The following CRYZL1 variants were observed in gnomAD, a reference collection of about 807,000 sequenced individuals.
The protein encoded by CRYZL1 is ferry endosomal RAB5 effector complex subunit 4.
Under a neutral mutation model 50.6 loss-of-function variants are expected in CRYZL1, and 34 were observed. That is an observed-to-expected ratio of 0.67 (90% CI 0.51 to 0.89). The LOEUF (loss-of-function observed/expected upper bound fraction) is 0.89, where lower values mean the gene tolerates loss of function less well. Ranked by LOEUF, CRYZL1 falls within the 40% of genes least tolerant of loss-of-function variation. CRYZL1 has a pLI of 0.00. For synonymous variants in CRYZL1, 125 were observed against 134.3 expected (o/e 0.93, Z 0.48); for missense variants, 354 against 402.3 (o/e 0.88, Z 1.03).
intron 1 of CRYZL1, among the ~76,000 whole-genome samples, chr21:33,634,180 TG>T (rs1388693215): frequency 5.9e-5 from 9 of 152,206 alleles, no homozygotes; most frequent in Non-Finnish European, 1.2e-4. Flanking sequence ...TCAATGTTTT[TG>T]TTTGGGGGCT....
rs2086621394 is a variant in CRYZL1, at chr21:33,589,629, C to A, written c.*193G>T. The stretch of plus-strand genomic sequence containing the variant: ...CTTAAGATGTTAATTATAGAATTAT[C>A]TTGATCATTTGCACAAGAATTTTTC... On this transcript the variant is annotated 3_prime_UTR_variant, in exon 13 of 13. Coordinates refer to ENST00000381554, the MANE Select transcript of CRYZL1 (RefSeq NM_145858.3). 1 of 566,954 alleles carries A rather than the reference C, an allele frequency of 1.8e-6. No individual in the cohort carries two copies. 35.1% of individuals were successfully genotyped at this position (566,954 alleles called of 1,614,324 possible). A position where few individuals can be genotyped will look rare whatever the true frequency, so the allele number is the denominator to read the frequency against.
At chr21:33,629,665 C>T (rs1028207564) in intron 2 of CRYZL1, among the ~76,000 whole-genome samples, 4 of 152,200 alleles carry the variant, frequency 2.6e-5, no homozygotes, top group African/African-American at 4.8e-5. Context: ...TATAAGATCA[C>T]GTCATCTGCA....
intron 3 of CRYZL1, among the ~76,000 whole-genome samples, chr21:33,623,993 A>G (rs912061012): frequency 6.6e-6 from 1 of 152,216 alleles, no homozygotes; most frequent in South Asian, 2.1e-4. Flanking sequence ...TCTAATTGGT[A>G]GCTAATAAAC....
chr21:33,631,708 A>G (rs1009006247), intron 1 of CRYZL1, among the ~76,000 whole-genome samples, 151 bp from the exon 2 acceptor site: 2 of 152,212 alleles, frequency 1.3e-5, no homozygotes, highest in African/African-American at 4.8e-5. Flanking sequence ...TCACAAAGTG[A>G]TCAAATAAGA....
intron 2 of CRYZL1, among the ~76,000 whole-genome samples, chr21:33,626,582 A>G (rs1601346902): frequency 6.6e-6 from 1 of 151,748 alleles, no homozygotes; most frequent in Admixed American, 6.6e-5. Context: ...CTGTAGTCCC[A>G]GGTACTTGGG....
At chr21:33,640,202 A>G (rs2087262508) in intron 1 of CRYZL1, 3 of 1,547,910 alleles carry the variant, frequency 1.9e-6, no homozygotes, top group Non-Finnish European at 2.6e-6. Context: ...CAAAAAGAGC[A>G]TAGTTAATCT....
chr21:33,641,130 A>C, intron 1 of CRYZL1: 1 of 1,548,330 alleles, frequency 6.5e-7, no homozygotes, highest in Non-Finnish European at 8.7e-7. Flanking sequence ...GCTTCTTAGA[A>C]ACGCAGATGT....
intron 5 of CRYZL1, 120 bp from the exon 6 acceptor site, chr21:33,613,726 T>A: frequency 1.4e-6 from 1 of 692,474 alleles, no homozygotes. Context: ...TAATTACTAG[T>A]GTGGACAAGA....
chr21:33,637,711 A>T (rs1208158432), intron 1 of CRYZL1, among the ~76,000 whole-genome samples: 1 of 149,738 alleles, frequency 6.7e-6, no homozygotes, highest in Non-Finnish European at 1.5e-5. Flanking sequence ...ACCTACCTTC[A>T]TTTTTAAGGA....
Position 33,605,530 on chromosome 21 carries a change from C to CTTT in CRYZL1, c.332-1996_332-1994dup, listed in dbSNP as rs146096008. Among the ~76,000 whole-genome samples, 11 of 53,202 alleles carry CTTT rather than the reference C, an allele frequency of 2.1e-4. 2 individuals are homozygous for CTTT. Among genetic ancestry groups the CTTT allele is most frequent in the African/African-American group, 8.9e-4 (11 of 12,352 alleles). The allele number at this position is 53,202 out of a possible 152,430, so 34.9% of individuals were successfully genotyped here. A position where few individuals can be genotyped will look rare whatever the true frequency, so the allele number is the denominator to read the frequency against. On this transcript the variant is annotated intron_variant, in intron 6 of 12. Coordinates refer to ENST00000381554, the MANE Select transcript of CRYZL1 (RefSeq NM_145858.3). The stretch of plus-strand genomic sequence containing the variant: ...GTAATTTTTCCGCAGTACAAGAATT[C>CTTT]TTTTTTTTTTGAGATGGAGTCTCAC...
chr21:33,629,938 T>C (rs2087118233), intron 2 of CRYZL1, among the ~76,000 whole-genome samples: 1 of 152,240 alleles, frequency 6.6e-6, no homozygotes. Flanking sequence ...ATTTTTATCA[T>C]GAAGGGATGT....
chr21:33,624,172 G>GT (rs1462688595), intron 3 of CRYZL1, among the ~76,000 whole-genome samples: 5 of 151,918 alleles, frequency 3.3e-5, no homozygotes, highest in African/African-American at 1.2e-4. Flanking sequence ...TATAAAATAC[G>GT]TAACTTCAAT....
chr21:33,630,456 C>A (rs1239291528), intron 2 of CRYZL1, among the ~76,000 whole-genome samples: 1 of 151,928 alleles, frequency 6.6e-6, no homozygotes, highest in African/African-American at 2.4e-5. Context: ...TGTGATGGTG[C>A]GTGCCTGTAA....
intron 1 of CRYZL1, 91 bp downstream of exon 1, chr21:33,641,590 C>A: frequency 3.1e-6 from 1 of 324,236 alleles, no homozygotes; most frequent in Non-Finnish European, 5.9e-6. Context: ...CCACCATCCT[C>A]CCCAGGGCTG....
chr21:33,623,380 C>T (rs949665916), intron 3 of CRYZL1, among the ~76,000 whole-genome samples: 1 of 152,112 alleles, frequency 6.6e-6, no homozygotes, highest in African/African-American at 2.4e-5. Context: ...GTTTTCATAA[C>T]CATTATGCTT....
intron 7 of CRYZL1, chr21:33,603,182 T>C: frequency 2.0e-6 from 1 of 489,276 alleles, no homozygotes; most frequent in Non-Finnish European, 3.6e-6. Flanking sequence ...GCTTGTCTTT[T>C]TAATGTACCA....
intron 8 of CRYZL1, among the ~76,000 whole-genome samples, chr21:33,600,947 TTTTTTTG>T (rs1233011752): frequency 1.6e-5 from 2 of 122,164 alleles, no homozygotes; most frequent in African/African-American, 6.5e-5. Context: ...TTTTTTTTTT[TTTTTTTG>T]GGGGCGGACT....
intron 1 of CRYZL1, among the ~76,000 whole-genome samples, chr21:33,635,643 C>T (rs980246597): frequency 5.3e-5 from 8 of 150,616 alleles, no homozygotes; most frequent in African/African-American, 1.7e-4. Context: ...CGTGAGCCAC[C>T]GCGCCCGGCC....
At chr21:33,630,133 T>G (rs557952937) in intron 2 of CRYZL1, among the ~76,000 whole-genome samples, 1 of 152,188 alleles carries the variant, frequency 6.6e-6, no homozygotes, top group South Asian at 2.1e-4. Flanking sequence ...CAGGAAGATA[T>G]CCCCTCATCC....
Sources: allele counts gnomAD v4.1 joint callset (sites outside exome capture counted in the v4.1 genomes callset), GRCh38; gene constraint gnomAD v4.1.1; transcripts MANE v1.5; gene names NCBI Gene and HGNC (gene_info 2026-07-23, HGNC 2026-07-21).